Variants in KRTAP13-2 observed in about 807,000 individuals in gnomAD.
KRTAP13-2 encodes the protein keratin associated protein 13-2, also known as keratin-associated protein 13-2.
For synonymous variants in KRTAP13-2, 92 were observed against 87.4 expected (o/e 1.05, Z -0.30); for missense variants, 231 against 212.4 (o/e 1.09, Z -0.55).
chr21:30,371,949 A>G lies in KRTAP13-2; in HGVS notation c.265T>C (p.Cys89Arg). 1 of 1,614,094 alleles carries G rather than the reference A, an allele frequency of 6.2e-7. No homozygotes were observed. The change falls in exon 1 of 1, where the codon TGC (cysteine) becomes CGC (arginine). Residue 89 changes from cysteine to arginine, a missense_variant. Cys to Arg is a radical substitution (Grantham distance 180, BLOSUM62 -3). Coordinates refer to ENST00000399889, the MANE Select transcript of KRTAP13-2 (RefSeq NM_181621.4). ...SCYRPRTSLLCSPCKTTYSGS... is the reference protein window; with the variant it reads ...SCYRPRTSLLRSPCKTTYSGS... ...GAGTAAGTCGTCTTGCAAGGACTGC[A>G]GAGCAAGGAGGTTCTGGGGCGGTAG...
chr21:30,371,845 C>T lies in KRTAP13-2; in HGVS notation c.369G>A (p.Gly123=). ...GSRSCYSVGC[G]SSGVRSLGYG... ...AACCCAGGGATCTGACACCACTGGA[C>T]CCACAGCCCACTGAGTAGCAGCTCC... Residue 123 remains glycine (G), a synonymous_variant, in exon 1 of 1, where the codon GGG becomes GGA. Transcript: ENST00000399889. 3 of 1,614,050 alleles carry T rather than the reference C, an allele frequency of 1.9e-6. No individual in the cohort carries two copies. The highest frequency in any genetic ancestry group is 2.5e-6 in the Non-Finnish European group (3 of 1,179,962).
chr21:30,371,541 A>C lies in KRTAP13-2; in HGVS notation c.*145T>G. 1 of 766,332 alleles carries C rather than the reference A, an allele frequency of 1.3e-6. No individual in the cohort carries two copies. Among genetic ancestry groups the C allele is most frequent in the Non-Finnish European group, 2.1e-6 (1 of 476,090 alleles). The allele number at this position is 766,332 out of a possible 1,614,324, so 47.5% of individuals were successfully genotyped here. A position where few individuals can be genotyped will look rare whatever the true frequency, so the allele number is the denominator to read the frequency against. On this transcript the variant is annotated 3_prime_UTR_variant, in exon 1 of 1. Transcript: ENST00000399889. ...CTCATTCATTAATTTCACAGTCTGA[A>C]AGAACTAGCCTGTCCAGCCAGTACT...
Position 30,371,890 on chromosome 21 carries a change from G to T in KRTAP13-2, c.324C>A (p.Arg108=). The change falls in exon 1 of 1, where the codon CGC becomes CGA. Residue 108 remains arginine, a synonymous_variant. Coordinates refer to ENST00000399889, the MANE Select transcript of KRTAP13-2 (RefSeq NM_181621.4). ...AGCTCCTCGATCCATAGCCCAGGGA[G>T]CGGCAGCTGCTGGATCCAAAGCCTA... The part of the protein sequence containing the change: ...GSLGFGSSSC[R]SLGYGSRSCY... 2 of 1,614,194 alleles carry T rather than the reference G, an allele frequency of 1.2e-6. No individual in the cohort carries two copies. Among genetic ancestry groups the T allele is most frequent in the Non-Finnish European group, 1.7e-6 (2 of 1,180,036 alleles).
rs199796469 is a variant in KRTAP13-2 at position 30,371,723 on chromosome 21, G to T, written c.491C>A (p.Pro164Gln). Residue 164 changes from proline to glutamine, a missense_variant, in exon 1 of 1, where the codon CCA (proline) becomes CAA (glutamine). Physicochemically the swap from Pro to Gln is moderately conservative, Grantham distance 76 (BLOSUM62 -1). Coordinates refer to ENST00000399889, the MANE Select transcript of KRTAP13-2 (RefSeq NM_181621.4). ...SRSCQSPCYR[P>Q]AYGSTFCRST... ...TCTGCAGAAGGTTGATCCATAGGCT[G>T]GTCTGTAACAAGGAGACTGGCAGCT... 148 of 1,614,128 alleles carry T rather than the reference G, an allele frequency of 9.2e-5. No homozygotes were observed. In the African/African-American group the frequency reaches 1.8e-3, roughly 20 times the overall value.
rs554067994 is a variant in KRTAP13-2 at position 30,371,418 on chromosome 21, C to T, written c.*268G>A. ...GAATCAACAGTAAATGAATTTATTA[C>T]GTGAAACAAAACTGAACTTCCATAT... is the stretch of plus-strand genomic sequence containing the variant. On this transcript the variant is annotated 3_prime_UTR_variant, in exon 1 of 1. Coordinates refer to ENST00000399889, the MANE Select transcript of KRTAP13-2 (RefSeq NM_181621.4). The T allele has an allele frequency of 8.2e-6, 3 of 365,022 alleles. No homozygotes were observed. Among genetic ancestry groups the T allele is most frequent in the East Asian group, 4.9e-5 (1 of 20,392 alleles). The allele number at this position is 365,022 out of a possible 1,614,324, so 22.6% of individuals were successfully genotyped here.
At position 30,371,464 on chromosome 21, in the gene KRTAP13-2, G is replaced by T; in HGVS notation, c.*222C>A. On this transcript the variant is annotated 3_prime_UTR_variant, in exon 1 of 1. Coordinates refer to ENST00000399889, the MANE Select transcript of KRTAP13-2 (RefSeq NM_181621.4). ...CATATACTTTATAAGATGAACTTAC[G>T]TGATAACGAATCACTTGTTTCAAAA... 6 of 529,440 alleles carry T rather than the reference G, an allele frequency of 1.1e-5. No individual in the cohort carries two copies. The South Asian group carries it at 1.6e-4, about 14-fold the overall frequency. The allele number at this position is 529,440 out of a possible 1,614,324, so 32.8% of individuals were successfully genotyped here.
In KRTAP13-2 at chr21:30,371,994, T is replaced by A. The variant is rs778482431; in HGVS notation, c.220A>T (p.Ser74Cys). The change falls in exon 1 of 1, where the codon AGC becomes TGC. Residue 74 changes from serine (S) to cysteine (C), a missense_variant. Transcript: ENST00000399889. ...TSCQTSYVES[S>C]PCQTSCYRPR... The stretch of plus-strand genomic sequence containing the variant: ...CGGTAGCAGGAGGTCTGGCAGGGGC[T>A]GGACTCCACATAGGACGTCTGGCAG... The A allele has an allele frequency of 6.2e-7, 1 of 1,614,050 alleles. No homozygotes were observed. Among genetic ancestry groups the A allele is most frequent in the South Asian group, 1.1e-5 (1 of 91,072 alleles).
At position 30,372,113 on chromosome 21, in the gene KRTAP13-2, A is replaced by T. The variant is rs945078100; in HGVS notation, c.101T>A (p.Leu34Gln). The T allele has an allele frequency of 1.9e-6, 3 of 1,614,190 alleles. No individual in the cohort carries two copies. The highest frequency in any genetic ancestry group is 2.5e-6 in the Non-Finnish European group (3 of 1,180,030). Reference sequence around the variant, plus strand: ...AGAGCAGAGGTCAGTGCTGTAGACCAGATTGCTGGGGTAGGAAAAGCCACG... The same window carrying T: ...AGAGCAGAGGTCAGTGCTGTAGACCTGATTGCTGGGGTAGGAAAAGCCACG... ...SSRGFSYPSN[L>Q]VYSTDLCSPS... Residue 34 changes from leucine to glutamine, a missense_variant, in exon 1 of 1, where the codon CTG becomes CAG. Leu to Gln is a moderately radical substitution (Grantham distance 113). Transcript: ENST00000399889.
In KRTAP13-2 at chr21:30,371,560, C is replaced by G. The variant is rs1188895554; in HGVS notation, c.*126G>C. 8.8e-6 allele frequency: 8 copies of G among 907,988 alleles called. No homozygotes were observed. The highest frequency in any genetic ancestry group is 1.2e-5 in the Non-Finnish European group (7 of 591,632). 56.2% of individuals were successfully genotyped at this position (907,988 alleles called of 1,614,324 possible). ...GTCTGAAAGAACTAGCCTGTCCAGC[C>G]AGTACTTGATGCCAGAGAAAGGATG... On this transcript the variant is annotated 3_prime_UTR_variant, in exon 1 of 1. Transcript: ENST00000399889.
chr21:30,372,153 A>G lies in KRTAP13-2; in HGVS notation c.61T>C (p.Tyr21His). 2.5e-6 allele frequency: 4 copies of G among 1,614,160 alleles called. No homozygotes were observed. The highest frequency in any genetic ancestry group is 3.4e-6 in the Non-Finnish European group (4 of 1,180,016). Residue 21 changes from tyrosine (Y) to histidine (H), a missense_variant, in exon 1 of 1, where the codon TAC (tyrosine) becomes CAC (histidine). Coordinates refer to ENST00000399889, the MANE Select transcript of KRTAP13-2 (RefSeq NM_181621.4). ...GAAAAGCCACGTGAGGATGCTGGGT[A>G]GCGCAGGTAGTCACCACAGGAGCGG... ...SSRSCGDYLR[Y>H]PASSRGFSYP...
Position 30,371,793 on chromosome 21 carries a change from C to G in KRTAP13-2, c.421G>C (p.Gly141Arg), listed in dbSNP as rs777345563. 1.2e-6 allele frequency: 2 copies of G among 1,614,044 alleles called. No homozygotes were observed. The highest frequency in any genetic ancestry group is 3.3e-5 in the Admixed American group (2 of 60,018). Residue 141 changes from glycine (G) to arginine (R), a missense_variant, in exon 1 of 1, where the codon GGC becomes CGC. Coordinates refer to ENST00000399889, the MANE Select transcript of KRTAP13-2 (RefSeq NM_181621.4). The part of the protein sequence containing the change: ...GYGSCGFPSL[G>R]YGSGFCRPTY... ...GGGCGGCAGAATCCAGATCCATAGC[C>G]GAGGGAAGGGAAGCCACAGCTTCCA...
chr21:30,372,138 G>C lies in KRTAP13-2; in HGVS notation c.76C>G (p.Arg26Gly), dbSNP rs16986753. The change falls in exon 1 of 1, where the codon CGT (arginine) becomes GGT (glycine). Residue 26 changes from arginine (R) to glycine (G), a missense_variant. Physicochemically the swap from Arg to Gly is moderately radical, Grantham distance 125. Transcript: ENST00000399889. ...AGATTGCTGGGGTAGGAAAAGCCACGTGAGGATGCTGGGTAGCGCAGGTAG... is the reference window on the plus strand; with the variant it reads ...AGATTGCTGGGGTAGGAAAAGCCACCTGAGGATGCTGGGTAGCGCAGGTAG... ...GDYLRYPASSRGFSYPSNLVY... is the reference protein window; with the variant it reads ...GDYLRYPASSGGFSYPSNLVY... 2 of 1,614,046 alleles carry C rather than the reference G, an allele frequency of 1.2e-6. No homozygotes were observed. Among genetic ancestry groups the C allele is most frequent in the Non-Finnish European group, 1.7e-6 (2 of 1,180,024 alleles).
At position 30,371,766 on chromosome 21, in the gene KRTAP13-2, T is replaced by C. The variant is rs567273757; in HGVS notation, c.448A>G (p.Thr150Ala). ...TGGCAGCTCCTAGAAGCCAAGTAGGTTGGGCGGCAGAATCCAGATCCATAG... is the reference window on the plus strand; with the variant it reads ...TGGCAGCTCCTAGAAGCCAAGTAGGCTGGGCGGCAGAATCCAGATCCATAG... ...LGYGSGFCRP[T>A]YLASRSCQSP... The change falls in exon 1 of 1, where the codon ACC (threonine) becomes GCC (alanine). Residue 150 changes from threonine to alanine, a missense_variant. Thr to Ala is a moderately conservative substitution (Grantham distance 58). Coordinates refer to ENST00000399889, the MANE Select transcript of KRTAP13-2 (RefSeq NM_181621.4). The C allele has an allele frequency of 2.0e-4, 330 of 1,613,990 alleles. No homozygotes were observed. The highest frequency in any genetic ancestry group is 2.4e-4 in the Non-Finnish European group (288 of 1,179,992).
In KRTAP13-2 at chr21:30,372,149, G is replaced by T; in HGVS notation, c.65C>A (p.Pro22Gln). The T allele has an allele frequency of 6.2e-7, 1 of 1,614,154 alleles. No homozygotes were observed. Among genetic ancestry groups the T allele is most frequent in the Non-Finnish European group, 8.5e-7 (1 of 1,180,010 alleles). Residue 22 changes from proline to glutamine, a missense_variant, in exon 1 of 1, where the codon CCA becomes CAA. Coordinates refer to ENST00000399889, the MANE Select transcript of KRTAP13-2 (RefSeq NM_181621.4). ...SRSCGDYLRY[P>Q]ASSRGFSYPS... ...GTAGGAAAAGCCACGTGAGGATGCT[G>T]GGTAGCGCAGGTAGTCACCACAGGA...
chr21:30,371,532 A>G lies in KRTAP13-2; in HGVS notation c.*154T>C. 1 of 702,744 alleles carries G rather than the reference A, an allele frequency of 1.4e-6. No individual in the cohort carries two copies. Among genetic ancestry groups the G allele is most frequent in the Non-Finnish European group, 2.4e-6 (1 of 423,836 alleles). 43.5% of individuals were successfully genotyped at this position (702,744 alleles called of 1,614,324 possible). Reference sequence around the variant, plus strand: ...TATATTTTGCTCATTCATTAATTTCACAGTCTGAAAGAACTAGCCTGTCCA... The same window carrying G: ...TATATTTTGCTCATTCATTAATTTCGCAGTCTGAAAGAACTAGCCTGTCCA... On this transcript the variant is annotated 3_prime_UTR_variant, in exon 1 of 1. Coordinates refer to ENST00000399889, the MANE Select transcript of KRTAP13-2 (RefSeq NM_181621.4).
chr21:30,371,970 G>T lies in KRTAP13-2; in HGVS notation c.244C>A (p.Arg82Ser), dbSNP rs1053310564. 1.2e-6 allele frequency: 2 copies of T among 1,614,194 alleles called. No homozygotes were observed. The highest frequency in any genetic ancestry group is 1.7e-6 in the Non-Finnish European group (2 of 1,180,032). Residue 82 changes from arginine to serine, a missense_variant, in exon 1 of 1, where the codon CGC becomes AGC. Physicochemically the swap from Arg to Ser is moderately radical, Grantham distance 110. Transcript: ENST00000399889. ...CTGCAGAGCAAGGAGGTTCTGGGGC[G>T]GTAGCAGGAGGTCTGGCAGGGGCTG... Reference protein sequence around the residue: ...ESSPCQTSCYRPRTSLLCSPC... With the variant: ...ESSPCQTSCYSPRTSLLCSPC...
rs1982915781 is a variant in KRTAP13-2, at chr21:30,371,990, G to T, written c.224C>A (p.Pro75His). ...SCQTSYVESSPCQTSCYRPRT... is the reference protein window; with the variant it reads ...SCQTSYVESSHCQTSCYRPRT... ...GGGGCGGTAGCAGGAGGTCTGGCAG[G>T]GGCTGGACTCCACATAGGACGTCTG... Residue 75 changes from proline (P) to histidine (H), a missense_variant, in exon 1 of 1, where the codon CCC (proline) becomes CAC (histidine). Pro to His is a moderately conservative substitution (Grantham distance 77). Coordinates refer to ENST00000399889, the MANE Select transcript of KRTAP13-2 (RefSeq NM_181621.4). The T allele has an allele frequency of 6.2e-7, 1 of 1,613,918 alleles. No individual in the cohort carries two copies. The highest frequency in any genetic ancestry group is 1.3e-5 in the African/African-American group (1 of 74,910).
Position 30,371,592 on chromosome 21 carries a change from T to G in KRTAP13-2, c.*94A>C. ...TGATGCCAGAGAAAGGATGAAGAGC[T>G]AGTAGTAAGAGGGGTTAGCTCACAT... On this transcript the variant is annotated 3_prime_UTR_variant, in exon 1 of 1. Coordinates refer to ENST00000399889, the MANE Select transcript of KRTAP13-2 (RefSeq NM_181621.4). 1 of 1,197,760 alleles carries G rather than the reference T, an allele frequency of 8.3e-7. No individual in the cohort carries two copies. Among genetic ancestry groups the G allele is most frequent in the Non-Finnish European group, 1.2e-6 (1 of 841,346 alleles). The allele number at this position is 1,197,760 out of a possible 1,614,324, so 74.2% of individuals were successfully genotyped here. A position where few individuals can be genotyped will look rare whatever the true frequency, so the allele number is the denominator to read the frequency against.
chr21:30,372,089 G>C lies in KRTAP13-2; in HGVS notation c.125C>G (p.Ser42Cys), dbSNP rs776422223. Residue 42 changes from serine (S) to cysteine (C), a missense_variant, in exon 1 of 1, where the codon TCT becomes TGT. Transcript: ENST00000399889. Reference protein sequence around the residue: ...SNLVYSTDLCSPSTCQLGSSL... With the variant: ...SNLVYSTDLCCPSTCQLGSSL... ...GGAACCCAGCTGGCAGGTGCTGGGA[G>C]AGCAGAGGTCAGTGCTGTAGACCAG... 2.5e-6 allele frequency: 4 copies of C among 1,614,222 alleles called. No homozygotes were observed. The highest frequency in any genetic ancestry group is 2.5e-6 in the Non-Finnish European group (3 of 1,180,040).
Sources: gnomAD v4.1 joint callset for allele counts on GRCh38, gnomAD v4.1.1 for gene constraint, MANE v1.5 for transcripts, NCBI Gene and HGNC (gene_info 2026-07-23, HGNC 2026-07-21) for gene names.